The following ENOX1 variants were observed in gnomAD, a reference collection of about 807,000 sequenced individuals.
ENOX1 encodes ecto-NOX disulfide-thiol exchanger 1.
A neutral mutation model predicts 82.5 loss-of-function variants in ENOX1; 42 were observed. The ratio of observed to expected loss-of-function variants is 0.51; its 90% confidence interval spans 0.40 to 0.66. The LOEUF (loss-of-function observed/expected upper bound fraction) is 0.66, where lower values mean the gene tolerates loss of function less well. Ranked by LOEUF, ENOX1 falls within the 30% of genes least tolerant of loss-of-function variation. The pLI is 0.00. For missense variants in ENOX1, 608 were observed against 811.6 expected (o/e 0.75, Z 3.05); for synonymous variants, 271 against 282.2 (o/e 0.96, Z 0.40).
chr13:43,456,969 T>A (rs1237676230), intron 3 of ENOX1, among the ~76,000 whole-genome samples: 2 of 73,836 alleles, frequency 2.7e-5, no homozygotes, highest in Admixed American at 3.5e-4. Context: ...TATCTCACAT[T>A]CAGTAGCCTC....
intron 3 of ENOX1, among the ~76,000 whole-genome samples, chr13:43,422,605 C>T (rs761299764): frequency 6.6e-6 from 1 of 152,138 alleles, no homozygotes; most frequent in Non-Finnish European, 1.5e-5. Flanking sequence ...GCATGTCTAT[C>T]TTTGAAGAAC....
chr13:43,710,381 T>C (rs2087609626), intron 1 of ENOX1, among the ~76,000 whole-genome samples: 1 of 152,162 alleles, frequency 6.6e-6, no homozygotes, highest in Admixed American at 6.6e-5. Context: ...TCAATAAATG[T>C]AGAAATAACA....
Position 43,717,700 on chromosome 13 carries a change from A to C in ENOX1, c.-284-50156T>G, listed in dbSNP as rs116923643. ...GCAAAAACAAATCAACAAGCAAAAA[A>C]TAAATAAAGCAATTTAAAAATGAGC... On this transcript the variant is annotated intron_variant, in intron 1 of 16. Coordinates refer to ENST00000690772, the MANE Select transcript of ENOX1 (RefSeq NM_001347969.2). Among the ~76,000 whole-genome samples the C allele has an allele frequency of 6.1e-3, 933 of 152,304 alleles. 26 individuals are homozygous for C. The East Asian group carries it at 0.073, about 12-fold the overall frequency.
intron 2 of ENOX1, among the ~76,000 whole-genome samples, chr13:43,499,598 A>G (rs896495454): frequency 3.3e-5 from 5 of 152,088 alleles, no homozygotes; most frequent in Admixed American, 6.6e-5. Context: ...TCTTTCCAGG[A>G]TGACTTGTGG....
chr13:43,561,391 C>T (rs916189146), intron 2 of ENOX1, among the ~76,000 whole-genome samples: 13 of 152,098 alleles, frequency 8.5e-5, no homozygotes, highest in Non-Finnish European at 1.0e-4. Flanking sequence ...CTGTGTTACT[C>T]GGAGTCAGTT....
At chr13:43,735,679 C>T (rs1374339774) in intron 1 of ENOX1, among the ~76,000 whole-genome samples, 2 of 152,058 alleles carry the variant, frequency 1.3e-5, no homozygotes, top group Non-Finnish European at 2.9e-5. Context: ...TGAGATCACA[C>T]CACTGCACTC....
intron 1 of ENOX1, among the ~76,000 whole-genome samples, chr13:43,782,073 T>C (rs1190990864): frequency 6.6e-6 from 1 of 152,126 alleles, no homozygotes; most frequent in East Asian, 1.9e-4. Flanking sequence ...CTTTAGTGTA[T>C]GAAAGAAACA....
intron 3 of ENOX1, among the ~76,000 whole-genome samples, chr13:43,445,125 G>GTTTT (rs71808213): frequency 7.3e-6 from 1 of 137,828 alleles, no homozygotes; most frequent in Non-Finnish European, 1.5e-5. Flanking sequence ...TTCTTTCTGG[G>GTTTT]TTTTTTTTTT....
At chr13:43,721,259 T>C (rs2088555074) in intron 1 of ENOX1, among the ~76,000 whole-genome samples, 1 of 152,152 alleles carries the variant, frequency 6.6e-6, no homozygotes, top group Non-Finnish European at 1.5e-5. Flanking sequence ...ATGGTAAAAT[T>C]CATGCTAATA....
intron 2 of ENOX1, among the ~76,000 whole-genome samples, chr13:43,594,597 T>A (rs745305757): frequency 6.6e-6 from 1 of 152,184 alleles, no homozygotes; most frequent in Non-Finnish European, 1.5e-5. Context: ...TGTGTAGCCC[T>A]CCCTTTATTA....
chr13:43,704,111 G>A (rs1200042975), intron 1 of ENOX1, among the ~76,000 whole-genome samples: 1 of 151,928 alleles, frequency 6.6e-6, no homozygotes, highest in African/African-American at 2.4e-5. Flanking sequence ...AAGTTAGGGA[G>A]AATCACATAA....
At chr13:43,437,450 G>A (rs1429656943) in intron 3 of ENOX1, among the ~76,000 whole-genome samples, 1 of 152,042 alleles carries the variant, frequency 6.6e-6, no homozygotes, top group Non-Finnish European at 1.5e-5. Context: ...AACTTTATCG[G>A]GATTCAATCA....
chr13:43,643,583 T>A (rs1456164509), intron 2 of ENOX1, among the ~76,000 whole-genome samples: 3 of 151,952 alleles, frequency 2.0e-5, no homozygotes, highest in Non-Finnish European at 4.4e-5. Context: ...TTATATATAA[T>A]CTGAAGACAT....
At chr13:43,245,880 C>T (rs750583094) in intron 14 of ENOX1, among the ~76,000 whole-genome samples, 3 of 152,174 alleles carry the variant, frequency 2.0e-5, no homozygotes, top group Non-Finnish European at 4.4e-5. Context: ...GAAGCACATA[C>T]ATTATGTCTT....
intron 2 of ENOX1, among the ~76,000 whole-genome samples, chr13:43,620,695 C>T (rs142443897): frequency 1.4e-4 from 22 of 152,210 alleles, no homozygotes; most frequent in African/African-American, 4.8e-4. Flanking sequence ...AAGTTCCATG[C>T]ACTGTTGAAT....
intron 2 of ENOX1, among the ~76,000 whole-genome samples, chr13:43,660,720 G>A (rs960264709): frequency 6.6e-5 from 10 of 152,158 alleles, no homozygotes; most frequent in Non-Finnish European, 1.5e-4. Context: ...CACCAGGCAA[G>A]GAAGAATGGT....
At chr13:43,583,755 T>C (rs1463537853) in intron 2 of ENOX1, among the ~76,000 whole-genome samples, 3 of 152,204 alleles carry the variant, frequency 2.0e-5, no homozygotes, top group South Asian at 2.1e-4. Context: ...TAAACACTTG[T>C]TATTTTCAGC....
At chr13:43,545,000 T>G (rs1033792562) in intron 2 of ENOX1, 1 of 152,254 alleles carries the variant, frequency 6.6e-6, no homozygotes, top group African/African-American at 2.4e-5. Context: ...TCCTTTCTTC[T>G]GCTCCCATTT....
chr13:43,332,283 A>C (rs566011747), intron 9 of ENOX1, among the ~76,000 whole-genome samples: 1 of 152,220 alleles, frequency 6.6e-6, no homozygotes, highest in African/African-American at 2.4e-5. Flanking sequence ...CATTAGTTAG[A>C]TTCTCATAGG....
Sources: allele counts gnomAD v4.1 joint callset (sites outside exome capture counted in the v4.1 genomes callset), GRCh38; gene constraint gnomAD v4.1.1; transcripts MANE v1.5; gene names NCBI Gene and HGNC (gene_info 2026-07-23, HGNC 2026-07-21).